The following TENM4 variants were observed in gnomAD, a reference collection of about 807,000 sequenced individuals.
TENM4 encodes the protein teneurin-4.
TENM4 carries 82 observed loss-of-function variants against 243.3 expected under a neutral mutation model. That is an observed-to-expected ratio of 0.34 (90% CI 0.28 to 0.40). The LOEUF (loss-of-function observed/expected upper bound fraction) is 0.40. Among genes scored for constraint, TENM4 ranks in the 10% least tolerant of loss-of-function variants. The pLI is 1.00. For missense variants in TENM4, 3,138 were observed against 3,673.3 expected (o/e 0.85, Z 3.77); for synonymous variants, 1,412 against 1,456.3 (o/e 0.97, Z 0.69).
In TENM4 at chr11:78,708,427, C is replaced by T. The variant is rs1590956243; in HGVS notation, c.4143G>A (p.Leu1381=). The T allele has an allele frequency of 6.2e-7, 1 of 1,614,040 alleles. No individual in the cohort carries two copies. The highest frequency in any genetic ancestry group is 8.5e-7 in the Non-Finnish European group (1 of 1,179,898). Residue 1381 remains leucine, a synonymous_variant, in exon 27 of 34, where the codon CTG becomes CTA. Transcript: ENST00000278550. ...RIDQNGIIST[L]LGSNDLTSAR... ...CTGATGTGAGATCATTAGAGCCGAG[C>T]AGGGTGGAGATGATCCCATTCTGAT...
chr11:78,667,948 G>A (rs184604333), intron 32 of TENM4, among the ~76,000 whole-genome samples: 13 of 152,326 alleles, frequency 8.5e-5, no homozygotes, highest in African/African-American at 2.9e-4. Flanking sequence ...GGGACTGGCT[G>A]CTTGCTGGGA....
chr11:79,094,680 A>T (rs896664781), intron 4 of TENM4, among the ~76,000 whole-genome samples: 2 of 152,164 alleles, frequency 1.3e-5, no homozygotes, highest in African/African-American at 4.8e-5. Flanking sequence ...GGGCAAAATC[A>T]TTCTTTCCTG....
intron 9 of TENM4, among the ~76,000 whole-genome samples, chr11:78,870,568 T>C (rs1859095165): frequency 1.3e-5 from 2 of 152,222 alleles, no homozygotes; most frequent in African/African-American, 2.4e-5. Flanking sequence ...AAAACTTGGC[T>C]GCAATAATCA....
intron 2 of TENM4, among the ~76,000 whole-genome samples, chr11:79,255,585 C>T (rs2135313240): frequency 6.6e-6 from 1 of 152,340 alleles, no homozygotes; most frequent in South Asian, 2.1e-4. Context: ...CGGCATACAG[C>T]TCCTTACAAA....
chr11:79,310,511 A>C (rs1163502984), intron 1 of TENM4, among the ~76,000 whole-genome samples: 1 of 152,246 alleles, frequency 6.6e-6, no homozygotes, highest in Non-Finnish European at 1.5e-5. Context: ...TGAAGAAGAT[A>C]CGATACACCT....
chr11:78,738,391 A>G, intron 20 of TENM4, 60 bp downstream of exon 20: 1 of 1,566,318 alleles, frequency 6.4e-7, no homozygotes, highest in South Asian at 1.2e-5. Context: ...AGCAGCAGCT[A>G]TATGGCAAGA....
chr11:78,784,605 A>G (rs749374777), intron 16 of TENM4, among the ~76,000 whole-genome samples: 33 of 152,202 alleles, frequency 2.2e-4, no homozygotes, highest in Admixed American at 1.2e-3. Flanking sequence ...TCAATGTCCT[A>G]TGACATTTCT....
intron 6 of TENM4, among the ~76,000 whole-genome samples, chr11:79,037,884 C>T (rs991803936): frequency 6.6e-6 from 1 of 152,164 alleles, no homozygotes; most frequent in African/African-American, 2.4e-5. Flanking sequence ...CTTCCCTAAT[C>T]AAATCAGAAT....
chr11:78,830,649 C>T (rs947545326), intron 12 of TENM4, among the ~76,000 whole-genome samples: 2 of 152,164 alleles, frequency 1.3e-5, no homozygotes, highest in African/African-American at 4.8e-5. Context: ...TTCCAGGCTA[C>T]GACTCTCCGA....
intron 2 of TENM4, among the ~76,000 whole-genome samples, chr11:79,235,378 C>CA (rs1864445862): frequency 6.6e-6 from 1 of 152,096 alleles, no homozygotes; most frequent in African/African-American, 2.4e-5. Context: ...GGGTGGCCCC[C>CA]CTGTAGAGTA....
chr11:78,964,254 G>A (rs1857395306), intron 6 of TENM4, among the ~76,000 whole-genome samples: 1 of 151,832 alleles, frequency 6.6e-6, no homozygotes, highest in Admixed American at 6.6e-5. Flanking sequence ...TGTTGGCCAG[G>A]ATGGTCTCAA....
chr11:78,702,270 C>A lies in TENM4; in HGVS notation c.4343G>T (p.Cys1448Phe), dbSNP rs1431044981. The A allele has an allele frequency of 6.2e-7, 1 of 1,614,038 alleles. No individual in the cohort carries two copies. ...VRIVAGRPMHCQVPGIDHFLL... is the reference protein window; with the variant it reads ...VRIVAGRPMHFQVPGIDHFLL... ...GAAGTGGTCAATGCCAGGGACCTGGCAGTGCATGGGCCTCCCGGCGACAAT... is the reference window on the plus strand; with the variant it reads ...GAAGTGGTCAATGCCAGGGACCTGGAAGTGCATGGGCCTCCCGGCGACAAT... Residue 1448 changes from cysteine to phenylalanine, a missense_variant, in exon 28 of 34, where the codon TGC becomes TTC. Cys to Phe is a radical substitution (Grantham distance 205). Coordinates refer to ENST00000278550, the MANE Select transcript of TENM4 (RefSeq NM_001098816.3).
chr11:79,030,297 G>A (rs1029910759), intron 6 of TENM4, among the ~76,000 whole-genome samples: 1 of 152,216 alleles, frequency 6.6e-6, no homozygotes, highest in African/African-American at 2.4e-5. Context: ...CCTCGAAGAA[G>A]TGAAGGGACC....
At position 79,047,529 on chromosome 11, in the gene TENM4, C is replaced by T. The variant is rs138840201; in HGVS notation, c.493+17209G>A. Among the ~76,000 whole-genome samples the T allele has an allele frequency of 5.2e-3, 795 of 152,308 alleles. 3 individuals carry two copies. The highest frequency in any genetic ancestry group is 0.024 in the Middle Eastern group (7 of 294). ...CACTCTGCCAGGGACTGGGCTTCTG[C>T]GGGCTGTCACAGTCTGTGGTCCTGG... On this transcript the variant is annotated intron_variant, in intron 6 of 33. Coordinates refer to ENST00000278550, the MANE Select transcript of TENM4 (RefSeq NM_001098816.3).
chr11:78,785,974 TA>T (rs58515906), intron 16 of TENM4, among the ~76,000 whole-genome samples: 85,582 of 150,366 alleles, frequency 0.57, 26,000 homozygotes, highest in Non-Finnish European at 0.69. Flanking sequence ...ACCCTTCATT[TA>T]AAAAAAAAAC....
At chr11:79,059,412 T>C (rs1030533324) in intron 6 of TENM4, among the ~76,000 whole-genome samples, 1 of 152,140 alleles carries the variant, frequency 6.6e-6, no homozygotes, top group Non-Finnish European at 1.5e-5. Context: ...CTCTGCACCC[T>C]CAGGGCAAAA....
chr11:79,171,319 A>G (rs1352751372), intron 3 of TENM4, among the ~76,000 whole-genome samples: 1 of 152,182 alleles, frequency 6.6e-6, no homozygotes, highest in Non-Finnish European at 1.5e-5. Flanking sequence ...ATATTTAGAC[A>G]TCCTTAAGAA....
At chr11:79,397,985 A>G (rs1012343499) in intron 1 of TENM4, among the ~76,000 whole-genome samples, 7 of 152,196 alleles carry the variant, frequency 4.6e-5, no homozygotes, top group African/African-American at 1.7e-4. Flanking sequence ...TGCACAAAAG[A>G]CTATCATTCC....
At chr11:79,342,438 G>C (rs1448263950) in intron 1 of TENM4, among the ~76,000 whole-genome samples, 1 of 152,222 alleles carries the variant, frequency 6.6e-6, no homozygotes, top group African/African-American at 2.4e-5. Flanking sequence ...CAGTGGGCAG[G>C]AGGAGGCGAA....
Sources: gnomAD v4.1 joint callset for allele counts (sites outside exome capture counted in the v4.1 genomes callset) on GRCh38, gnomAD v4.1.1 for gene constraint, MANE v1.5 for transcripts, NCBI Gene and HGNC (gene_info 2026-07-23, HGNC 2026-07-21) for gene names.